Variants in DACH1 observed in about 807,000 individuals in gnomAD.
DACH1 encodes the protein dachshund family transcription factor 1, also known as dachshund homolog 1.
DACH1 carries 12 observed loss-of-function variants against 54.2 expected under a neutral mutation model. That is an observed-to-expected ratio of 0.22 (90% CI 0.14 to 0.36). The LOEUF is 0.36. Ranked by LOEUF, DACH1 falls within the 10% of genes least tolerant of loss-of-function variation. DACH1 has a pLI of 1.00. For missense variants in DACH1, 805 were observed against 929.8 expected, an observed-to-expected ratio of 0.87 and a Z score of 1.75; for synonymous variants, 386 against 366.2, an observed-to-expected ratio of 1.05 and a Z score of -0.62.
intron 3 of DACH1, among the ~76,000 whole-genome samples, chr13:71,621,095 A>G (rs997897349): frequency 6.6e-6 from 1 of 151,980 alleles, no homozygotes; most frequent in Non-Finnish European, 1.5e-5. Flanking sequence ...TATATATTAC[A>G]TATATAATGT....
intron 2 of DACH1, among the ~76,000 whole-genome samples, chr13:71,641,348 T>C (rs1877884102): frequency 6.6e-6 from 1 of 152,072 alleles, no homozygotes; most frequent in African/African-American, 2.4e-5. Flanking sequence ...AGGAACAATA[T>C]ACATGCAGAG....
intron 2 of DACH1, among the ~76,000 whole-genome samples, chr13:71,637,161 C>T (rs1877549283): frequency 6.6e-6 from 1 of 152,040 alleles, no homozygotes; most frequent in Non-Finnish European, 1.5e-5. Flanking sequence ...CAAGATGCAT[C>T]TAACTTATCT....
chr13:71,866,863 A>C lies in DACH1; in HGVS notation c.-94T>G. 12 of 890,294 alleles carry C rather than the reference A, an allele frequency of 1.3e-5. No homozygotes were observed. The highest frequency in any genetic ancestry group is 5.5e-5 in the South Asian group (1 of 18,214). The allele number at this position is 890,294 out of a possible 1,614,324, so 55.1% of individuals were successfully genotyped here. The stretch of plus-strand genomic sequence containing the variant: ...GAAGGGGAAAAAAGGGGGGAGAAGG[A>C]GCGAGGGGGGCAACAACAACTCCGG... On this transcript the variant is annotated 5_prime_UTR_variant, in exon 1 of 11. Coordinates refer to ENST00000613252, the MANE Select transcript of DACH1 (RefSeq NM_080759.6).
chr13:71,756,399 C>T (rs745859237), intron 1 of DACH1, among the ~76,000 whole-genome samples: 7 of 151,808 alleles, frequency 4.6e-5, no homozygotes, highest in Non-Finnish European at 7.4e-5. Flanking sequence ...TTTTTATTTC[C>T]TAGAAATCCA....
rs139447139 is a variant in DACH1 at position 71,717,893 on chromosome 13, T to TA, written c.849-35984dup. 7.6e-3 allele frequency among the ~76,000 whole-genome samples: 1,129 copies of TA among 148,178 alleles called. 8 individuals are homozygous for TA. The highest frequency in any genetic ancestry group is 0.016 in the African/African-American group (660 of 40,492). ...TAGTAGTCCAAAAAAACTTTTAAAT[T>TA]AAAAAAAAAACACAGAAATCAAGTA... On this transcript the variant is annotated intron_variant, in intron 1 of 10. Coordinates refer to ENST00000613252, the MANE Select transcript of DACH1 (RefSeq NM_080759.6).
chr13:71,563,989 G>A (rs996832395), intron 4 of DACH1, among the ~76,000 whole-genome samples: 4 of 151,878 alleles, frequency 2.6e-5, no homozygotes, highest in Non-Finnish European at 2.9e-5. Context: ...GTTCTTTGAA[G>A]AATTTCATTA....
chr13:71,615,490 T>A (rs755419881), intron 3 of DACH1, among the ~76,000 whole-genome samples: 4 of 152,216 alleles, frequency 2.6e-5, no homozygotes, highest in Non-Finnish European at 5.9e-5. Flanking sequence ...CAATTAAAGT[T>A]TACTGGCTGA....
intron 2 of DACH1, among the ~76,000 whole-genome samples, chr13:71,637,045 C>G (rs1877539036): frequency 6.6e-6 from 1 of 151,906 alleles, no homozygotes; most frequent in Non-Finnish European, 1.5e-5. Context: ...AATTACTGAC[C>G]AGCATAGAAG....
intron 6 of DACH1, among the ~76,000 whole-genome samples, chr13:71,507,073 A>C (rs1653460621): frequency 6.6e-6 from 1 of 151,696 alleles, no homozygotes; most frequent in Non-Finnish European, 1.5e-5. Flanking sequence ...AATTAAACTA[A>C]AGAGCTTCTG....
intron 3 of DACH1, among the ~76,000 whole-genome samples, chr13:71,603,660 C>T (rs894095130): frequency 1.3e-5 from 2 of 151,678 alleles, no homozygotes; most frequent in Non-Finnish European, 2.9e-5. Flanking sequence ...ATACAAATAA[C>T]GAATTTTAAA....
chr13:71,712,718 A>C (rs1882778889), intron 1 of DACH1, among the ~76,000 whole-genome samples: 2 of 152,114 alleles, frequency 1.3e-5, no homozygotes, highest in African/African-American at 2.4e-5. Context: ...TTTAGTTTAC[A>C]TTTCCCCCCT....
intron 1 of DACH1, among the ~76,000 whole-genome samples, chr13:71,703,515 T>C (rs2138756498): frequency 6.6e-6 from 1 of 152,282 alleles, no homozygotes. Context: ...GAGATGTTGG[T>C]ATTGTTTGTT....
intron 6 of DACH1, among the ~76,000 whole-genome samples, chr13:71,538,034 T>C (rs1882916835): frequency 6.6e-6 from 1 of 152,084 alleles, no homozygotes; most frequent in Admixed American, 6.6e-5. Flanking sequence ...GATGAACCCT[T>C]TTCTACTTCT....
chr13:71,689,702 A>G (rs896623491), intron 1 of DACH1, among the ~76,000 whole-genome samples: 2 of 152,154 alleles, frequency 1.3e-5, no homozygotes, highest in Non-Finnish European at 2.9e-5. Context: ...CATACTGAAT[A>G]AGGAATTACC....
At chr13:71,825,951 C>T (rs1888361021) in intron 1 of DACH1, among the ~76,000 whole-genome samples, 1 of 152,000 alleles carries the variant, frequency 6.6e-6, no homozygotes, top group Non-Finnish European at 1.5e-5. Context: ...TAACATCTGG[C>T]AACCATGCAA....
chr13:71,467,109 C>T (rs1876650257), intron 10 of DACH1, among the ~76,000 whole-genome samples: 1 of 148,024 alleles, frequency 6.8e-6, no homozygotes, highest in South Asian at 2.2e-4. Flanking sequence ...CATACTTAAA[C>T]AATGCCTACT....
rs184591719 is a variant in DACH1, at chr13:71,618,710, G to T, written c.1126+11846C>A. Among the ~76,000 whole-genome samples, 424 of 151,828 alleles carry T rather than the reference G, an allele frequency of 2.8e-3. 2 individuals carry two copies. Among genetic ancestry groups the T allele is most frequent in the Middle Eastern group, 0.014 (4 of 292 alleles). ...AAAATAATGTATAAATGACTGCTCA[G>T]ATTTTATTTTAAAAGCCTACTCAAG... On this transcript the variant is annotated intron_variant, in intron 3 of 10. Transcript: ENST00000613252.
chr13:71,443,628 T>C (rs1874200043), intron 10 of DACH1, among the ~76,000 whole-genome samples: 1 of 152,172 alleles, frequency 6.6e-6, no homozygotes, highest in African/African-American at 2.4e-5. Context: ...TATTTAATCC[T>C]GCTGAACTCT....
intron 1 of DACH1, among the ~76,000 whole-genome samples, chr13:71,828,835 C>G (rs1888479464): frequency 6.6e-6 from 1 of 151,914 alleles, no homozygotes; most frequent in Non-Finnish European, 1.5e-5. Flanking sequence ...AGGTTCATTT[C>G]TGGTGTTCCT....
Sources: gnomAD v4.1 joint callset for allele counts (sites outside exome capture counted in the v4.1 genomes callset) on GRCh38, gnomAD v4.1.1 for gene constraint, MANE v1.5 for transcripts, NCBI Gene and HGNC (gene_info 2026-07-23, HGNC 2026-07-21) for gene names.